The following ZAN variants were observed in gnomAD, a reference collection of about 807,000 sequenced individuals.
ZAN encodes zonadhesin, also known as zonadhesin (gene/pseudogene).
ZAN carries 260 observed loss-of-function variants against 286.2 expected under a neutral mutation model. That is an observed-to-expected ratio of 0.91 (90% CI 0.82 to 1.01). The LOEUF (loss-of-function observed/expected upper bound fraction) is 1.01. ZAN is among the 50% of genes least tolerant of loss of function. The pLI is 0.00. For synonymous variants in ZAN, 1,368 were observed against 1,417.5 expected, an observed-to-expected ratio of 0.97 and a Z score of 0.79; for missense variants, 3,410 against 3,639.2, an observed-to-expected ratio of 0.94 and a Z score of 1.62.
chr7:100,737,373 C>T (rs1807390245), intron 6 of ZAN, 24 bp downstream of exon 6: 1 of 1,382,104 alleles, frequency 7.2e-7, no homozygotes, highest in Non-Finnish European at 9.9e-7. Context: ...CCTCCTCCCG[C>T]CTGCCCTCGG....
intron 31 of ZAN, among the ~76,000 whole-genome samples, chr7:100,774,066 C>T (rs540865169): frequency 2.4e-4 from 32 of 135,164 alleles, no homozygotes; most frequent in Non-Finnish European, 4.3e-4. Flanking sequence ...TCTCCTGTAG[C>T]GGCCACCAAC....
intron 6 of ZAN, among the ~76,000 whole-genome samples, chr7:100,737,646 C>A (rs1807409441): frequency 7.2e-6 from 1 of 138,084 alleles, no homozygotes; most frequent in Admixed American, 7.2e-5. Flanking sequence ...GTGGAGCTTG[C>A]AGTGAGCCGA....
chr7:100,734,567 T>C (rs1257486912), intron 2 of ZAN, among the ~76,000 whole-genome samples: 2 of 130,336 alleles, frequency 1.5e-5, no homozygotes, highest in African/African-American at 2.8e-5. Flanking sequence ...TGCAGTGAGC[T>C]GAGATCATGC....
At chr7:100,793,724 C>T (rs1812148397) in intron 42 of ZAN, 96 bp from the exon 43 acceptor site, 3 of 1,334,364 alleles carry the variant, frequency 2.2e-6, no homozygotes, top group South Asian at 2.9e-5. Flanking sequence ...AGGTGTGAGC[C>T]ACTGTGCCCA....
chr7:100,772,767 C>A (rs975459568), intron 29 of ZAN, among the ~76,000 whole-genome samples: 2 of 150,258 alleles, frequency 1.3e-5, no homozygotes, highest in Non-Finnish European at 3.0e-5. Flanking sequence ...CTTGCAGTGA[C>A]CCAAGATCAT....
chr7:100,784,276 CCCA>C (rs1562952795), intron 35 of ZAN, among the ~76,000 whole-genome samples: 1 of 151,416 alleles, frequency 6.6e-6, no homozygotes, highest in African/African-American at 2.4e-5. Context: ...ACTACAGGCG[CCCA>C]CCACCACGCT....
chr7:100,750,522 G>T (rs1357886437), intron 11 of ZAN, 103 bp from the exon 12 acceptor site: 1 of 1,345,688 alleles, frequency 7.4e-7, no homozygotes, highest in Non-Finnish European at 1.0e-6. Context: ...GGAAATTTGA[G>T]TGTTTGCTCA....
intron 7 of ZAN, among the ~76,000 whole-genome samples, chr7:100,742,872 AGGGAGAGGGAGG>A (rs1562914949): frequency 0.015 from 3 of 198 alleles, no homozygotes; most frequent in South Asian, 0.17. Context: ...GACGGAGACG[AGGGAGAGGGAGG>A]GGGAGGGGGA....
At chr7:100,754,639 G>A (rs769300277) in intron 14 of ZAN, among the ~76,000 whole-genome samples, 5 of 151,636 alleles carry the variant, frequency 3.3e-5, no homozygotes, top group African/African-American at 1.2e-4. Flanking sequence ...GAGTAGCTGG[G>A]GCCACAGGCC....
intron 15 of ZAN, among the ~76,000 whole-genome samples, chr7:100,755,752 G>A (rs1481332104): frequency 2.0e-5 from 3 of 151,706 alleles, no homozygotes; most frequent in Admixed American, 2.0e-4. Flanking sequence ...TTGTATTTTT[G>A]GTAGAGACAG....
intron 34 of ZAN, among the ~76,000 whole-genome samples, chr7:100,777,130 G>A (rs1353499787): frequency 1.5e-4 from 22 of 150,388 alleles, no homozygotes; most frequent in African/African-American, 4.4e-4. Context: ...TGCAACCTCC[G>A]CCTCCCGGGC....
At chr7:100,773,610 G>T in intron 30 of ZAN, 111 bp from the exon 31 acceptor site, 1 of 1,540,960 alleles carries the variant, frequency 6.5e-7, no homozygotes, top group Non-Finnish European at 8.8e-7. Flanking sequence ...GGCTGGCCAA[G>T]GCTGGGGGGC....
At chr7:100,790,038 C>T (rs1333950131) in intron 39 of ZAN, among the ~76,000 whole-genome samples, 2 of 151,688 alleles carry the variant, frequency 1.3e-5, no homozygotes, top group African/African-American at 2.4e-5. Flanking sequence ...ACGGGAGGAT[C>T]GCTTGAGGCC....
At chr7:100,765,838 G>C (rs1162356369) in intron 23 of ZAN, among the ~76,000 whole-genome samples, 2 of 151,972 alleles carry the variant, frequency 1.3e-5, no homozygotes, top group Non-Finnish European at 2.9e-5. Flanking sequence ...TAGTAGAGAC[G>C]GGGTAGGGGG....
At chr7:100,794,532 G>C (rs1812223585) in intron 44 of ZAN, among the ~76,000 whole-genome samples, 1 of 152,128 alleles carries the variant, frequency 6.6e-6, no homozygotes, top group South Asian at 2.1e-4. Context: ...ATGGAGTTCA[G>C]AGAGGTTAAG....
intron 28 of ZAN, among the ~76,000 whole-genome samples, chr7:100,770,717 C>T (rs1003800493): frequency 6.6e-6 from 1 of 150,658 alleles, no homozygotes; most frequent in African/African-American, 2.4e-5. Flanking sequence ...TGCAGTGGCA[C>T]GATCACAGCT....
intron 45 of ZAN, among the ~76,000 whole-genome samples, chr7:100,796,613 G>A (rs551901584): frequency 1.3e-5 from 2 of 151,880 alleles, no homozygotes; most frequent in Admixed American, 6.6e-5. Flanking sequence ...ATGGGGTTTC[G>A]CCATGTTGGC....
intron 31 of ZAN, among the ~76,000 whole-genome samples, chr7:100,774,694 T>G (rs1810626936): frequency 6.6e-6 from 1 of 151,540 alleles, no homozygotes; most frequent in South Asian, 2.1e-4. Context: ...AATAGGGTAC[T>G]TTATGCCTGT....
intron 7 of ZAN, among the ~76,000 whole-genome samples, chr7:100,742,889 GGGGGAC>G (rs1562915061): frequency 5.3e-5 from 3 of 56,410 alleles, no homozygotes; most frequent in Admixed American, 1.4e-4. Flanking sequence ...GGGAGGGGGA[GGGGGAC>G]GGGGACGATC....
Sources: allele counts gnomAD v4.1 joint callset (sites outside exome capture counted in the v4.1 genomes callset), GRCh38; gene constraint gnomAD v4.1.1; transcripts MANE v1.5; gene names NCBI Gene and HGNC (gene_info 2026-07-23, HGNC 2026-07-21).